SSH2: variants seen among roughly 807,000 people sequenced by gnomAD.
SSH2 encodes the protein slingshot protein phosphatase 2, also known as protein phosphatase Slingshot homolog 2.
A neutral mutation model predicts 135.2 loss-of-function variants in SSH2; 37 were observed. The ratio of observed to expected loss-of-function variants is 0.27; its 90% CI spans 0.21 to 0.36. The LOEUF is 0.36. Among genes scored for constraint, SSH2 ranks in the 10% least tolerant of loss-of-function variants. The pLI, the probability that SSH2 is intolerant of heterozygous loss-of-function variation, is 1.00. For synonymous variants in SSH2, 628 were observed against 646.2 expected (o/e 0.97, Z 0.43); for missense variants, 1,408 against 1,765.3 (o/e 0.80, Z 3.63).
intron 3 of SSH2, among the ~76,000 whole-genome samples, chr17:29,729,437 G>C (rs2040107066): frequency 6.6e-6 from 1 of 152,152 alleles, no homozygotes; most frequent in South Asian, 2.1e-4. Flanking sequence ...ATATGCTGTT[G>C]GTAGGTGTGT....
intron 4 of SSH2, among the ~76,000 whole-genome samples, chr17:29,697,563 G>A (rs183594537): frequency 7.2e-5 from 11 of 152,008 alleles, no homozygotes; most frequent in African/African-American, 1.4e-4. Context: ...AGGCTGAAGC[G>A]GGGGAGTGCT....
intron 1 of SSH2, among the ~76,000 whole-genome samples, chr17:29,917,351 C>T (rs1217898038): frequency 6.6e-6 from 1 of 152,218 alleles, no homozygotes. Flanking sequence ...TGACCATTAT[C>T]CCCTTTGGAA....
At chr17:29,691,196 C>T (rs1439695970) in intron 5 of SSH2, among the ~76,000 whole-genome samples, 2 of 152,120 alleles carry the variant, frequency 1.3e-5, no homozygotes, top group Non-Finnish European at 2.9e-5. Context: ...TAAAACTTCT[C>T]ATTTTCTTGA....
At chr17:29,838,584 C>T (rs139722656) in intron 2 of SSH2, among the ~76,000 whole-genome samples, 65 of 152,296 alleles carry the variant, frequency 4.3e-4, no homozygotes, top group Middle Eastern at 3.4e-3. Context: ...TGAAAAGCCC[C>T]GGACTCAGCC....
At chr17:29,742,481 G>GTTTTTT (rs35446491) in intron 3 of SSH2, among the ~76,000 whole-genome samples, 16 of 90,582 alleles carry the variant, frequency 1.8e-4, no homozygotes, top group East Asian at 2.8e-4. Flanking sequence ...ACCACACCCA[G>GTTTTTT]TTTTTTTTTT....
chr17:29,924,496 G>T (rs1567657367), intron 1 of SSH2, among the ~76,000 whole-genome samples: 1 of 152,138 alleles, frequency 6.6e-6, no homozygotes, highest in Non-Finnish European at 1.5e-5. Context: ...ACAAGAGTAA[G>T]CCTTCTTATG....
intron 3 of SSH2, among the ~76,000 whole-genome samples, chr17:29,770,092 GT>G (rs563803251): frequency 0.011 from 781 of 72,912 alleles, 6 homozygotes; most frequent in African/African-American, 0.03. Flanking sequence ...GCTATATTTA[GT>G]TTTTTTTTTT....
intron 3 of SSH2, among the ~76,000 whole-genome samples, chr17:29,774,237 CA>C (rs2041647836): frequency 6.6e-6 from 1 of 151,964 alleles, no homozygotes; most frequent in African/African-American, 2.4e-5. Context: ...CTTTTTCATC[CA>C]AAACAAATAA....
chr17:29,905,616 G>A (rs1462678100), intron 1 of SSH2, among the ~76,000 whole-genome samples: 3 of 152,206 alleles, frequency 2.0e-5, no homozygotes. Context: ...TTGGAGCAAA[G>A]TCAGGCGAGC....
chr17:29,638,521 CA>C (rs1481822078), intron 14 of SSH2, among the ~76,000 whole-genome samples: 2 of 142,114 alleles, frequency 1.4e-5, no homozygotes, highest in Admixed American at 1.4e-4. Context: ...CACACACACA[CA>C]CACACACACA....
intron 3 of SSH2, among the ~76,000 whole-genome samples, chr17:29,731,925 C>T (rs909983808): frequency 8.5e-5 from 13 of 152,092 alleles, no homozygotes; most frequent in Admixed American, 5.9e-4. Context: ...CCTCCAACCC[C>T]CTCACCCCAC....
At chr17:29,675,469 G>T (rs1040547081) in intron 8 of SSH2, among the ~76,000 whole-genome samples, 1 of 152,112 alleles carries the variant, frequency 6.6e-6, no homozygotes, top group Admixed American at 6.6e-5. Context: ...TTCTCTGGTT[G>T]TATTAGATAA....
intron 1 of SSH2, among the ~76,000 whole-genome samples, chr17:29,878,808 T>C (rs2066083362): frequency 2.6e-5 from 4 of 152,200 alleles, no homozygotes; most frequent in Admixed American, 1.3e-4. Context: ...AAATTAATGG[T>C]ATAATATGAA....
rs752910427 is a variant in SSH2 at position 29,702,948 on chromosome 17, GC to G, written c.292+10del. ...TTACCAAGAAAGAAATGGTGTATAT[GC>G]AAGCATTACCTGCATGCTTGTTCCG... On this transcript the variant is annotated intron_variant, in intron 4 of 15. Transcript: ENST00000540801. The G allele has an allele frequency of 7.0e-6, 11 of 1,575,492 alleles. No homozygotes were observed. The highest frequency in any genetic ancestry group is 6.7e-5 in the Admixed American group (4 of 59,928).
chr17:29,883,900 AT>A (rs1258974557), intron 1 of SSH2, among the ~76,000 whole-genome samples: 1 of 152,138 alleles, frequency 6.6e-6, no homozygotes, highest in Non-Finnish European at 1.5e-5. Context: ...GCATTCCTCC[AT>A]CTAGATATAA....
rs924689546 is a variant in SSH2, at chr17:29,848,895, A to G, written c.98T>C (p.Leu33Ser). Residue 33 changes from leucine to serine, a missense_variant, in exon 2 of 16, where the codon TTA becomes TCA. Leu to Ser is a moderately radical substitution (Grantham distance 145). Coordinates refer to ENST00000540801, the MANE Select transcript of SSH2 (RefSeq NM_001282129.2). Reference protein sequence around the residue: ...SHLEDSESAALLCCECEESEI... With the variant: ...SHLEDSESAASLCCECEESEI... ...TGATTCTTCACATTCACAGCAAAGT[A>G]ATGCTGCTGATTCACTGTCTTCCAA... The G allele has an allele frequency of 6.5e-7, 1 of 1,534,850 alleles. No homozygotes were observed. The highest frequency in any genetic ancestry group is 1.4e-5 in the African/African-American group (1 of 73,038).
At chr17:29,664,013 T>C in intron 11 of SSH2, among the ~76,000 whole-genome samples, 1 of 152,236 alleles carries the variant, frequency 6.6e-6, no homozygotes, top group East Asian at 1.9e-4. Context: ...AACTACTCTT[T>C]AAAAAAATAA....
chr17:29,919,952 C>G (rs1250687328), intron 1 of SSH2, among the ~76,000 whole-genome samples: 2 of 152,052 alleles, frequency 1.3e-5, no homozygotes, highest in Non-Finnish European at 2.9e-5. Context: ...TCTTGTTGCC[C>G]AGGCTGGAGT....
chr17:29,769,201 T>C (rs1200809542), intron 3 of SSH2, among the ~76,000 whole-genome samples: 2 of 152,186 alleles, frequency 1.3e-5, no homozygotes, highest in Non-Finnish European at 2.9e-5. Context: ...ATCCAGCCAG[T>C]TATTCTGGCT....
Sources: allele counts gnomAD v4.1 joint callset (sites outside exome capture counted in the v4.1 genomes callset), GRCh38; gene constraint gnomAD v4.1.1; transcripts MANE v1.5; gene names NCBI Gene and HGNC (gene_info 2026-07-23, HGNC 2026-07-21).